The following FRMD5 variants were observed in gnomAD, a reference collection of about 807,000 sequenced individuals.
FRMD5 encodes the protein FERM domain containing 5.
A neutral mutation model predicts 69.0 loss-of-function variants in FRMD5; 20 were observed. The ratio of observed to expected loss-of-function variants is 0.29; its 90% CI spans 0.20 to 0.42. The LOEUF (loss-of-function observed/expected upper bound fraction) is 0.42. Ranked by LOEUF, FRMD5 falls within the 10% of genes least tolerant of loss-of-function variation. The pLI is 1.00. For missense variants in FRMD5, 595 were observed against 708.6 expected (o/e 0.84, Z 1.82); for synonymous variants, 271 against 260.1 (o/e 1.04, Z -0.40).
chr15:43,912,468 AGCAGGATGTGGAT>A (rs902523042), intron 4 of FRMD5, among the ~76,000 whole-genome samples: 3 of 152,076 alleles, frequency 2.0e-5, no homozygotes, highest in African/African-American at 7.2e-5. Context: ...CACAGGCTTC[AGCAGGATGTGGAT>A]GCAAACCTTT....
chr15:43,961,044 A>C (rs973901551), intron 1 of FRMD5, among the ~76,000 whole-genome samples: 2 of 152,066 alleles, frequency 1.3e-5, no homozygotes, highest in Non-Finnish European at 2.9e-5. Context: ...GCAAGAAATA[A>C]CTAAGATCAG....
chr15:44,155,128 C>A (rs1479533210), intron 1 of FRMD5, among the ~76,000 whole-genome samples: 1 of 152,070 alleles, frequency 6.6e-6, no homozygotes, highest in East Asian at 1.9e-4. Context: ...ACAGCATACA[C>A]ACACTGTTGA....
chr15:43,929,462 C>T (rs570513535), intron 1 of FRMD5, among the ~76,000 whole-genome samples: 5 of 152,318 alleles, frequency 3.3e-5, no homozygotes, highest in African/African-American at 7.2e-5. Flanking sequence ...AAGCACCTCA[C>T]AAGCAAGTGC....
chr15:44,182,731 G>A (rs1249724056), intron 1 of FRMD5, among the ~76,000 whole-genome samples: 2 of 152,220 alleles, frequency 1.3e-5, no homozygotes, highest in East Asian at 1.9e-4. Flanking sequence ...GTTACTAGCT[G>A]TACAAAGATA....
intron 1 of FRMD5, among the ~76,000 whole-genome samples, chr15:43,988,367 T>C (rs1889499569): frequency 6.6e-6 from 1 of 151,892 alleles, no homozygotes; most frequent in African/African-American, 2.4e-5. Flanking sequence ...CTTTTTTTTT[T>C]TTTTAGCAAC....
chr15:44,146,501 G>T (rs912080639), intron 1 of FRMD5, among the ~76,000 whole-genome samples: 2 of 152,116 alleles, frequency 1.3e-5, no homozygotes, highest in African/African-American at 4.8e-5. Flanking sequence ...TATTCATTGG[G>T]TATATACCCA....
intron 1 of FRMD5, among the ~76,000 whole-genome samples, chr15:44,156,033 G>A (rs1307709969): frequency 1.3e-5 from 2 of 152,158 alleles, no homozygotes; most frequent in East Asian, 3.8e-4. Flanking sequence ...CACAAAAGTT[G>A]AACCACTGAG....
rs1264787511 is a variant in FRMD5, at chr15:43,875,323, C to G, written c.1136-861G>C. Among the ~76,000 whole-genome samples the G allele has an allele frequency of 2.4e-5, 3 of 126,616 alleles. No individual in the cohort carries two copies. In the Admixed American group the frequency reaches 2.9e-4, roughly 12 times the overall value. 83.1% of individuals were successfully genotyped at this position (126,616 alleles called of 152,430 possible). The stretch of plus-strand genomic sequence containing the variant: ...CCAAGATCACACCACTGCATTCCAA[C>G]CTGAGCAACAGAGAAAGACTGTCTC... On this transcript the variant is annotated intron_variant, in intron 13 of 13. Transcript: ENST00000417257.
At chr15:44,047,458 G>A (rs145371601) in intron 1 of FRMD5, among the ~76,000 whole-genome samples, 10 of 151,900 alleles carry the variant, frequency 6.6e-5, no homozygotes, top group Non-Finnish European at 1.3e-4. Flanking sequence ...CTAGGCCTGT[G>A]GAAAGTTTTA....
At chr15:44,031,481 G>C (rs1891680030) in intron 1 of FRMD5, among the ~76,000 whole-genome samples, 1 of 152,014 alleles carries the variant, frequency 6.6e-6, no homozygotes. Context: ...CCCTCTTCTT[G>C]GTTCATAGAT....
intron 13 of FRMD5, chr15:43,875,715 A>G (rs911049569): frequency 7.0e-5 from 33 of 469,160 alleles, no homozygotes; most frequent in Admixed American, 1.2e-4. Flanking sequence ...TGGCCTCCCA[A>G]AGTGCTGGGA....
intron 12 of FRMD5, 56 bp downstream of exon 12, chr15:43,884,671 T>G: frequency 1.3e-6 from 2 of 1,520,820 alleles, no homozygotes; most frequent in Non-Finnish European, 9.1e-7. Context: ...AACTGCTGGA[T>G]TGAGATTCTG....
At chr15:43,895,189 T>C (rs2088885118) in intron 7 of FRMD5, among the ~76,000 whole-genome samples, 2 of 152,218 alleles carry the variant, frequency 1.3e-5, no homozygotes, top group Non-Finnish European at 2.9e-5. Context: ...TTTCCTGATG[T>C]TGACAGATTT....
chr15:43,975,238 AAGT>A (rs2090445722), intron 1 of FRMD5, among the ~76,000 whole-genome samples: 1 of 152,254 alleles, frequency 6.6e-6, no homozygotes, highest in Non-Finnish European at 1.5e-5. Flanking sequence ...TATTGGCAGA[AAGT>A]AGGAGAGATA....
chr15:43,923,224 AG>A (rs1338374608), intron 2 of FRMD5, among the ~76,000 whole-genome samples: 1 of 152,264 alleles, frequency 6.6e-6, no homozygotes, highest in Non-Finnish European at 1.5e-5. Context: ...ACTACATTGT[AG>A]GCCTGTGCTA....
intron 8 of FRMD5, 110 bp from the exon 9 acceptor site, chr15:43,888,982 C>T: frequency 1.2e-6 from 1 of 853,448 alleles, no homozygotes; most frequent in South Asian, 1.5e-5. Flanking sequence ...GGCACAGACA[C>T]AATTTTAGCC....
At chr15:44,149,395 A>G (rs566218908) in intron 1 of FRMD5, among the ~76,000 whole-genome samples, 1 of 152,242 alleles carries the variant, frequency 6.6e-6, no homozygotes, top group South Asian at 2.1e-4. Context: ...AAAACAAACA[A>G]CAAAATGACA....
At chr15:43,935,193 C>A (rs961180526) in intron 1 of FRMD5, among the ~76,000 whole-genome samples, 3 of 152,166 alleles carry the variant, frequency 2.0e-5, no homozygotes, top group South Asian at 2.1e-4. Flanking sequence ...ATAAATAATT[C>A]TTGGGGCCAG....
chr15:44,189,460 C>A (rs138752971), intron 1 of FRMD5, among the ~76,000 whole-genome samples: 2 of 150,884 alleles, frequency 1.3e-5, no homozygotes, highest in African/African-American at 4.9e-5. Flanking sequence ...TTGGCTCTAC[C>A]TGTATTTACA....
Sources: gnomAD v4.1 joint callset for allele counts (sites outside exome capture counted in the v4.1 genomes callset) on GRCh38, gnomAD v4.1.1 for gene constraint, MANE v1.5 for transcripts, NCBI Gene and HGNC (gene_info 2026-07-23, HGNC 2026-07-21) for gene names.